Variants in RORA observed in about 807,000 individuals in gnomAD.
The protein encoded by RORA is nuclear receptor ROR-alpha.
Under a neutral mutation model 69.5 loss-of-function variants are expected in RORA, and 7 were observed. The observed-to-expected ratio is 0.10, with a 90% confidence interval of 0.06 to 0.19. The LOEUF is 0.19. Among genes scored for constraint, RORA ranks in the 10% least tolerant of loss-of-function variants. The pLI, the probability that RORA is intolerant of heterozygous loss-of-function variation, is 1.00. For missense variants in RORA, 457 were observed against 663.0 expected (o/e 0.69, Z 3.41); for synonymous variants, 261 against 240.8 (o/e 1.08, Z -0.78).
intron 1 of RORA, among the ~76,000 whole-genome samples, chr15:60,752,906 G>C (rs775968223): frequency 6.6e-6 from 1 of 152,146 alleles, no homozygotes; most frequent in Non-Finnish European, 1.5e-5. Context: ...GCCATCCAGG[G>C]ACTGTCAAAA....
At chr15:60,864,484 G>GTTTTT (rs11388901) in intron 1 of RORA, among the ~76,000 whole-genome samples, 2 of 147,564 alleles carry the variant, frequency 1.4e-5, no homozygotes, top group Non-Finnish European at 3.0e-5. Flanking sequence ...TACCATCCTT[G>GTTTTT]TTTTTTTTTT....
chr15:60,554,742 A>G (rs1465791475), intron 2 of RORA, among the ~76,000 whole-genome samples: 1 of 152,144 alleles, frequency 6.6e-6, no homozygotes, highest in Non-Finnish European at 1.5e-5. Flanking sequence ...GGATCAACAG[A>G]AAGACAAGAA....
At chr15:60,639,449 T>C (rs1401155172) in intron 2 of RORA, among the ~76,000 whole-genome samples, 2 of 145,826 alleles carry the variant, frequency 1.4e-5, no homozygotes, top group African/African-American at 2.5e-5. Flanking sequence ...GCGTTTGGCA[T>C]GTCAAGTCTC....
chr15:60,594,713 A>G (rs929625508), intron 2 of RORA, among the ~76,000 whole-genome samples: 1 of 152,254 alleles, frequency 6.6e-6, no homozygotes, highest in Non-Finnish European at 1.5e-5. Flanking sequence ...TCCTGCAGTT[A>G]TAAGTAGAAT....
chr15:61,130,040 T>C (rs993347706), intron 1 of RORA, among the ~76,000 whole-genome samples: 1 of 151,934 alleles, frequency 6.6e-6, no homozygotes, highest in Non-Finnish European at 1.5e-5. Flanking sequence ...CCTTTCCTTA[T>C]CAAAAAGGAA....
intron 1 of RORA, among the ~76,000 whole-genome samples, chr15:60,850,933 C>T (rs773938311): frequency 6.6e-6 from 1 of 152,296 alleles, no homozygotes; most frequent in South Asian, 2.1e-4. Flanking sequence ...CACCAAAAAG[C>T]CTTATTTTGC....
chr15:60,902,592 T>C (rs1017763759), intron 1 of RORA, among the ~76,000 whole-genome samples: 3 of 152,206 alleles, frequency 2.0e-5, no homozygotes, highest in Non-Finnish European at 2.9e-5. Context: ...CATGTCTACA[T>C]AGCTGAAAGA....
chr15:60,655,029 C>T (rs889881600), intron 2 of RORA, among the ~76,000 whole-genome samples: 2 of 152,122 alleles, frequency 1.3e-5, no homozygotes, highest in African/African-American at 4.8e-5. Context: ...TTGTTTACCA[C>T]TTACTGCATC....
intron 2 of RORA, among the ~76,000 whole-genome samples, chr15:60,663,518 C>T (rs980919630): frequency 6.6e-6 from 1 of 152,206 alleles, no homozygotes; most frequent in African/African-American, 2.4e-5. Context: ...TGCAATGACG[C>T]GATGTTGGCT....
intron 3 of RORA, among the ~76,000 whole-genome samples, chr15:60,515,955 ATT>A (rs1479244546): frequency 2.5e-4 from 3 of 12,118 alleles, no homozygotes; most frequent in Non-Finnish European, 4.1e-4. Flanking sequence ...ATATTTATAT[ATT>A]TATATTTATA....
At chr15:60,529,225 T>C (rs951199555) in intron 3 of RORA, 1 of 152,248 alleles carries the variant, frequency 6.6e-6, no homozygotes, top group Non-Finnish European at 1.5e-5. Context: ...TTGATATGTC[T>C]AATGTGAAAT....
chr15:60,827,709 G>C (rs1056258384), intron 1 of RORA, among the ~76,000 whole-genome samples: 1 of 152,200 alleles, frequency 6.6e-6, no homozygotes, highest in African/African-American at 2.4e-5. Flanking sequence ...GTGAGCAGCT[G>C]CCTGTGCGGG....
intron 1 of RORA, among the ~76,000 whole-genome samples, chr15:61,170,444 C>A (rs1405347174): frequency 6.6e-6 from 1 of 152,088 alleles, no homozygotes; most frequent in Non-Finnish European, 1.5e-5. Flanking sequence ...CTCTCCTGCC[C>A]GCCTCTTATA....
rs374446786 is a variant in RORA at position 60,515,957 on chromosome 15, T to TTATATATATTTATATATTTATA, written c.283-1201_283-1200insTATAAATATATAAATATATATA. Among the ~76,000 whole-genome samples, 72 of 17,528 alleles carry TTATATATATTTATATATTTATA rather than the reference T, an allele frequency of 4.1e-3. 17 individuals are homozygous for TTATATATATTTATATATTTATA. The highest frequency in any genetic ancestry group is 8.0e-3 in the African/African-American group (32 of 4,000). The allele number at this position is 17,528 out of a possible 152,430, so 11.5% of individuals were successfully genotyped here. A position where few individuals can be genotyped will look rare whatever the true frequency, so the allele number is the denominator to read the frequency against. On this transcript the variant is annotated intron_variant, in intron 3 of 10. Coordinates refer to ENST00000335670, the MANE Select transcript of RORA (RefSeq NM_134261.3). ...TATATATTTATATATATTTATATAT[T>TTATATATATTTATATATTTATA]TATATTTATATATATTTATATATTT...
At chr15:60,586,455 GGTGT>G (rs146340386) in intron 2 of RORA, among the ~76,000 whole-genome samples, 5 of 150,180 alleles carry the variant, frequency 3.3e-5, no homozygotes, top group African/African-American at 9.8e-5. Context: ...GTATTAGAGG[GGTGT>G]GTGTGTGTGT....
chr15:60,666,166 AT>A (rs142176178), intron 2 of RORA, among the ~76,000 whole-genome samples: 9,296 of 135,516 alleles, frequency 0.069, 281 homozygotes, highest in African/African-American at 0.088. Context: ...TACAAAGATA[AT>A]TTTTTTTTTT....
In RORA at chr15:60,698,966, T is replaced by C. The variant is rs527953065; in HGVS notation, c.167-20280A>G. 2.6e-5 allele frequency among the ~76,000 whole-genome samples: 4 copies of C among 152,272 alleles called. No individual in the cohort carries two copies. The East Asian group carries it at 7.7e-4, about 29-fold the overall frequency. On this transcript the variant is annotated intron_variant, in intron 1 of 10. Transcript: ENST00000335670. ...ATAATCTTTGCTCACTTTTGTATTG[T>C]GGTATTAGTCCTTTACTACTTACTA...
chr15:61,202,405 G>A (rs1204998866), intron 1 of RORA, among the ~76,000 whole-genome samples: 3 of 152,144 alleles, frequency 2.0e-5, no homozygotes, highest in Non-Finnish European at 4.4e-5. Context: ...GTAGGTCTGG[G>A]CCTCAATAAC....
chr15:61,108,606 C>T lies in RORA; in HGVS notation c.166+120447G>A, dbSNP rs531100915. Among the ~76,000 whole-genome samples, 21 of 152,308 alleles carry T rather than the reference C, an allele frequency of 1.4e-4. 1 individual carries two copies. In the South Asian group the frequency reaches 4.1e-3, roughly 30 times the overall value. ...TTTACTGTATGGCCATTTACGGAAACGTCTGTAGACCTTTGCTACTACTAA... is the reference window on the plus strand; with the variant it reads ...TTTACTGTATGGCCATTTACGGAAATGTCTGTAGACCTTTGCTACTACTAA... On this transcript the variant is annotated intron_variant, in intron 1 of 10. Coordinates refer to ENST00000335670, the MANE Select transcript of RORA (RefSeq NM_134261.3).
Sources: allele counts gnomAD v4.1 joint callset (sites outside exome capture counted in the v4.1 genomes callset), GRCh38; gene constraint gnomAD v4.1.1; transcripts MANE v1.5; gene names NCBI Gene and HGNC (gene_info 2026-07-23, HGNC 2026-07-21).